SPAG16: variants seen among roughly 807,000 people sequenced by gnomAD.
The protein encoded by SPAG16 is sperm-associated antigen 16 protein.
Under a neutral mutation model 80.4 loss-of-function variants are expected in SPAG16, and 86 were observed. That is an observed-to-expected ratio of 1.07 (90% CI 0.90 to 1.28). The LOEUF (loss-of-function observed/expected upper bound fraction) is 1.28, where lower values mean the gene tolerates loss of function less well. Ranked by LOEUF, SPAG16 falls within the 50% of genes most tolerant of loss-of-function variation. The pLI is 0.00. For missense variants in SPAG16, 870 were observed against 765.3 expected (o/e 1.14, Z -1.61); for synonymous variants, 294 against 265.9 (o/e 1.11, Z -1.03).
chr2:213,612,973 C>T (rs1261590866), intron 10 of SPAG16, among the ~76,000 whole-genome samples: 5 of 152,006 alleles, frequency 3.3e-5, no homozygotes, highest in South Asian at 2.1e-4. Flanking sequence ...GTGCCCGGCC[C>T]GAATAATTTT....
rs747952096 is a variant in SPAG16, at chr2:213,862,570, G to A, written c.1156G>A (p.Val386Met). Residue 386 changes from valine (V) to methionine (M), a missense_variant, in exon 11 of 16, where the codon GTG (valine) becomes ATG (methionine). Val to Met is a conservative substitution (Grantham distance 21). Transcript: ENST00000331683. ...GGTGTTGGGCCTTCCAAAATGCAAT[G>A]TGCTTCTCACGGGATTTGGCCACAC... ...WKVLGLPKCN[V>M]LLTGFGHTDW... 1.2e-6 allele frequency: 2 copies of A among 1,614,046 alleles called. No homozygotes were observed. The highest frequency in any genetic ancestry group is 2.7e-5 in the African/African-American group (2 of 74,932).
chr2:213,401,601 C>G (rs982173730), intron 9 of SPAG16, among the ~76,000 whole-genome samples: 3 of 152,140 alleles, frequency 2.0e-5, no homozygotes, highest in African/African-American at 7.2e-5. Flanking sequence ...CATCTTTTTT[C>G]ATCCCTTTAT....
intron 15 of SPAG16, among the ~76,000 whole-genome samples, chr2:214,200,871 G>A (rs976125258): frequency 6.6e-6 from 1 of 152,098 alleles, no homozygotes; most frequent in Non-Finnish European, 1.5e-5. Context: ...ATTAGCTTTT[G>A]ATTCAAGAAA....
intron 9 of SPAG16, among the ~76,000 whole-genome samples, chr2:213,476,437 G>A (rs976663444): frequency 2.0e-5 from 3 of 152,142 alleles, no homozygotes; most frequent in East Asian, 1.9e-4. Flanking sequence ...GGGTGAAGGG[G>A]GATTGACAAA....
At chr2:214,349,046 A>G (rs1559232627) in intron 15 of SPAG16, among the ~76,000 whole-genome samples, 1 of 152,156 alleles carries the variant, frequency 6.6e-6, no homozygotes, top group Non-Finnish European at 1.5e-5. Flanking sequence ...TAATTATTGT[A>G]ACTCAGTAAT....
intron 15 of SPAG16, among the ~76,000 whole-genome samples, chr2:214,217,466 C>T (rs1429293618): frequency 6.6e-6 from 1 of 152,192 alleles, no homozygotes; most frequent in Non-Finnish European, 1.5e-5. Context: ...CTTTAAATAT[C>T]ATTCTGCTCC....
intron 11 of SPAG16, among the ~76,000 whole-genome samples, chr2:213,885,429 T>C (rs899248417): frequency 6.6e-6 from 1 of 152,202 alleles, no homozygotes; most frequent in African/African-American, 2.4e-5. Flanking sequence ...CCTCTGCTAC[T>C]GATTTGTGCA....
chr2:214,160,288 CT>C (rs1266080107), intron 15 of SPAG16, among the ~76,000 whole-genome samples: 2 of 151,794 alleles, frequency 1.3e-5, no homozygotes, highest in East Asian at 3.9e-4. Flanking sequence ...ATTATTACTG[CT>C]TTTTTGTTTT....
chr2:214,082,146 G>T (rs942265380), intron 13 of SPAG16, among the ~76,000 whole-genome samples: 7 of 152,094 alleles, frequency 4.6e-5, no homozygotes, highest in African/African-American at 1.7e-4. Context: ...ATGTCCTGCA[G>T]CTGGATCGAG....
At chr2:213,733,396 A>C (rs1011824447) in intron 10 of SPAG16, among the ~76,000 whole-genome samples, 7 of 152,068 alleles carry the variant, frequency 4.6e-5, no homozygotes, top group African/African-American at 1.7e-4. Context: ...GGGAGGAGGA[A>C]TATCCCAATA....
intron 11 of SPAG16, among the ~76,000 whole-genome samples, chr2:213,922,558 C>A (rs1210546137): frequency 6.6e-6 from 1 of 152,134 alleles, no homozygotes; most frequent in African/African-American, 2.4e-5. Context: ...GTTAAGAACT[C>A]TTGCTGGGGA....
At chr2:214,259,680 G>A (rs533168891) in intron 15 of SPAG16, among the ~76,000 whole-genome samples, 35 of 151,626 alleles carry the variant, frequency 2.3e-4, no homozygotes, top group Non-Finnish European at 3.5e-4. Context: ...TTTCGTCTCC[G>A]GTTCCTTTGT....
intron 15 of SPAG16, among the ~76,000 whole-genome samples, chr2:214,316,407 C>T (rs79927564): frequency 6.6e-4 from 100 of 152,266 alleles, no homozygotes; most frequent in African/African-American, 2.3e-3. Context: ...AGGTTAGCTG[C>T]ATATGAATCC....
intron 15 of SPAG16, among the ~76,000 whole-genome samples, chr2:214,378,677 G>C (rs923232978): frequency 6.6e-5 from 10 of 152,276 alleles, no homozygotes; most frequent in Admixed American, 6.5e-4. Flanking sequence ...CAAAATCAGG[G>C]TCCTATTAGG....
Position 213,859,703 on chromosome 2 carries a change from C to A in SPAG16, c.1071-2782C>A, listed in dbSNP as rs1439338332. On this transcript the variant is annotated intron_variant, in intron 10 of 15. Coordinates refer to ENST00000331683, the MANE Select transcript of SPAG16 (RefSeq NM_024532.5). ...GTTCAAAGTTGGCTTCCGTTCACTA[C>A]CAAATGTAAGCTTGGGCAATTTATG... Among the ~76,000 whole-genome samples, 3 of 152,142 alleles carry A rather than the reference C, an allele frequency of 2.0e-5. No homozygotes were observed. In the East Asian group the frequency reaches 5.8e-4, roughly 29 times the overall value.
At chr2:213,454,250 A>G (rs996023012) in intron 9 of SPAG16, among the ~76,000 whole-genome samples, 1 of 152,220 alleles carries the variant, frequency 6.6e-6, no homozygotes, top group South Asian at 2.1e-4. Context: ...CAATTTAAAA[A>G]TTTTCTTGAT....
At chr2:214,108,141 C>A in intron 13 of SPAG16, 55 bp from the exon 14 acceptor site, 3 of 1,386,052 alleles carry the variant, frequency 2.2e-6, no homozygotes, top group Middle Eastern at 1.8e-4. Flanking sequence ...CTTTGAATTC[C>A]TTTTTACGTT....
At chr2:214,049,349 C>T (rs1575974948) in intron 13 of SPAG16, among the ~76,000 whole-genome samples, 1 of 152,152 alleles carries the variant, frequency 6.6e-6, no homozygotes, top group African/African-American at 2.4e-5. Flanking sequence ...CTGGATTACC[C>T]AGACTATAAA....
At chr2:213,643,390 A>G (rs1559337929) in intron 10 of SPAG16, among the ~76,000 whole-genome samples, 1 of 72,610 alleles carries the variant, frequency 1.4e-5, no homozygotes, top group African/African-American at 6.3e-5. Flanking sequence ...ATATATATAT[A>G]TATATATATA....
Sources: allele counts gnomAD v4.1 joint callset (sites outside exome capture counted in the v4.1 genomes callset), GRCh38; gene constraint gnomAD v4.1.1; transcripts MANE v1.5; gene names NCBI Gene and HGNC (gene_info 2026-07-23, HGNC 2026-07-21).